MICAL2: variants seen among roughly 807,000 people sequenced by gnomAD.
MICAL2 encodes microtubule associated monooxygenase, calponin and LIM domain containing 2, also known as [F-actin]-monooxygenase MICAL2.
A neutral mutation model predicts 127.3 loss-of-function variants in MICAL2; 77 were observed. The observed-to-expected ratio is 0.60, with a 90% CI of 0.50 to 0.73. The LOEUF (loss-of-function observed/expected upper bound fraction) is 0.73. MICAL2 is among the 30% of genes least tolerant of loss of function. The pLI, the probability that MICAL2 is intolerant of heterozygous loss-of-function variation, is 0.00. For synonymous variants in MICAL2, 570 were observed against 551.1 expected, an observed-to-expected ratio of 1.03 and a Z score of -0.48; for missense variants, 1,351 against 1,434.4, an observed-to-expected ratio of 0.94 and a Z score of 0.94.
At chr11:12,177,611 A>C (rs1217055403) in intron 3 of MICAL2, among the ~76,000 whole-genome samples, 1 of 152,224 alleles carries the variant, frequency 6.6e-6, no homozygotes, top group Non-Finnish European at 1.5e-5. Flanking sequence ...ATTTTCTTCT[A>C]GGAGTTTTTA....
intron 4 of MICAL2, among the ~76,000 whole-genome samples, chr11:12,207,435 G>A (rs568734329): frequency 6.6e-6 from 1 of 152,342 alleles, no homozygotes; most frequent in East Asian, 1.9e-4. Context: ...TGAATGGCAG[G>A]AGACAAAACA....
downstream of MICAL2, chr11:12,294,814 TCCTCC>T: frequency 6.6e-7 from 1 of 1,506,464 alleles, no homozygotes; most frequent in Non-Finnish European, 8.8e-7. Flanking sequence ...CTCCTCCTCC[TCCTCC>T]TCCTCCTCCT....
At chr11:12,281,272 G>A (rs1217947126) in intron 2 of MICAL2, among the ~76,000 whole-genome samples, 1 of 152,206 alleles carries the variant, frequency 6.6e-6, no homozygotes, top group African/African-American at 2.4e-5. Context: ...GAAGGGACTT[G>A]AACCAGGCCT....
chr11:12,354,791 G>A, exon 34 of MICAL2: 2 of 1,613,984 alleles, frequency 1.2e-6, no homozygotes, highest in Non-Finnish European at 8.5e-7. Flanking sequence ...CAGGGCCCAG[G>A]AACTGGAATT....
chr11:12,244,877 T>G (rs1432643874), intron 21 of MICAL2, among the ~76,000 whole-genome samples: 1 of 152,214 alleles, frequency 6.6e-6, no homozygotes, highest in African/African-American at 2.4e-5. Context: ...CATTTTATCC[T>G]CTGGGTTATA....
Position 12,242,160 on chromosome 11 carries a change from G to C in MICAL2, c.2338-54G>C. Reference sequence around the variant, plus strand: ...TTCATGGGGGATCCCTCATGGTGAGGGTGTATGAAAGGGCCGCAGTAGGGA... The same window carrying C: ...TTCATGGGGGATCCCTCATGGTGAGCGTGTATGAAAGGGCCGCAGTAGGGA... On this transcript the variant is annotated intron_variant, in intron 18 of 27. Transcript: ENST00000683283. The C allele has an allele frequency of 3.5e-6, 5 of 1,432,294 alleles. No individual in the cohort carries two copies. The South Asian group carries it at 6.6e-5, about 19-fold the overall frequency. 88.7% of individuals were successfully genotyped at this position (1,432,294 alleles called of 1,614,324 possible).
At chr11:12,167,022 GC>G (rs1855587084) in intron 3 of MICAL2, among the ~76,000 whole-genome samples, 1 of 152,054 alleles carries the variant, frequency 6.6e-6, no homozygotes, top group Non-Finnish European at 1.5e-5. Flanking sequence ...GGAGGAAAAC[GC>G]CTCCTGGTCC....
chr11:12,271,927 T>A (rs1863680125), upstream of MICAL2, among the ~76,000 whole-genome samples: 1 of 152,144 alleles, frequency 6.6e-6, no homozygotes. Flanking sequence ...AGCTTCTTTT[T>A]TACAGAGTCT....
chr11:12,137,982 A>G (rs953088755), intron 1 of MICAL2, among the ~76,000 whole-genome samples: 4 of 152,344 alleles, frequency 2.6e-5, no homozygotes, highest in African/African-American at 9.6e-5. Context: ...GACCCGTTTC[A>G]CACTGGGGAC....
intron 3 of MICAL2, among the ~76,000 whole-genome samples, chr11:12,183,110 G>T (rs1370441061): frequency 6.6e-6 from 1 of 151,882 alleles, no homozygotes; most frequent in Non-Finnish European, 1.5e-5. Flanking sequence ...AGGAAGTTAG[G>T]AGTATGTGGG....
intron 8 of MICAL2, among the ~76,000 whole-genome samples, chr11:12,218,490 C>G (rs1168640056): frequency 6.6e-6 from 1 of 152,220 alleles, no homozygotes; most frequent in African/African-American, 2.4e-5. Context: ...CAGGCACTGT[C>G]TTCACTGTGT....
intron 3 of MICAL2, among the ~76,000 whole-genome samples, chr11:12,181,210 C>T (rs1003053319): frequency 6.6e-6 from 1 of 152,286 alleles, no homozygotes; most frequent in African/African-American, 2.4e-5. Flanking sequence ...TCCCAAAGCG[C>T]TAGGATTACA....
chr11:12,280,131 C>T (rs555198171), intron 1 of MICAL2, among the ~76,000 whole-genome samples: 4 of 152,318 alleles, frequency 2.6e-5, no homozygotes, highest in African/African-American at 9.6e-5. Context: ...TTATTTAAGG[C>T]CCATGTTAAA....
chr11:12,303,478 G>T lies in MICAL2; in HGVS notation c.5212+8621G>T, dbSNP rs963694042. The T allele has an allele frequency of 1.2e-4, 19 of 152,236 alleles. No individual in the cohort carries two copies. The East Asian group carries it at 3.1e-3, about 25-fold the overall frequency. 9.4% of individuals were successfully genotyped at this position (152,236 alleles called of 1,614,324 possible). A position where few individuals can be genotyped will look rare whatever the true frequency, so the allele number is the denominator to read the frequency against. ...ATTAAACACAACTTTATTTGATAGG[G>T]TTACATTTCACTTTAACCATTAAAA... On this transcript the variant is annotated intron_variant, in intron 29 of 34. Transcript: ENST00000646065.
At chr11:12,265,111 C>T (rs1181333345), downstream of MICAL2, among the ~76,000 whole-genome samples, 1 of 152,318 alleles carries the variant, frequency 6.6e-6, no homozygotes, top group African/African-American at 2.4e-5. Flanking sequence ...AGTCCATGAT[C>T]ACAACATTTG....
intron 26 of MICAL2, chr11:12,260,485 T>G (rs1862960585): frequency 2.7e-6 from 3 of 1,098,162 alleles, no homozygotes; most frequent in African/African-American, 3.3e-5. Flanking sequence ...TCAATTTTTC[T>G]AAACATGGGT....
At chr11:12,138,024 CT>C (rs1222551070) in intron 1 of MICAL2, among the ~76,000 whole-genome samples, 13 of 152,204 alleles carry the variant, frequency 8.5e-5, no homozygotes, top group African/African-American at 2.9e-4. Flanking sequence ...GCTTGATTTA[CT>C]TTCATTGTGT....
At chr11:12,140,540 C>A (rs1164077434) in intron 2 of MICAL2, among the ~76,000 whole-genome samples, 2 of 151,448 alleles carry the variant, frequency 1.3e-5, no homozygotes, top group Non-Finnish European at 2.9e-5. Flanking sequence ...ATAAGTGGAC[C>A]CTCTTTGGCA....
At chr11:12,289,305 G>T (rs1198087493), downstream of MICAL2, among the ~76,000 whole-genome samples, 2 of 152,232 alleles carry the variant, frequency 1.3e-5, no homozygotes, top group Non-Finnish European at 2.9e-5. Flanking sequence ...AGCCCCCGGT[G>T]GGCCATACCA....
Sources: gnomAD v4.1 joint callset for allele counts (sites outside exome capture counted in the v4.1 genomes callset) on GRCh38, gnomAD v4.1.1 for gene constraint, MANE v1.5 for transcripts, NCBI Gene and HGNC (gene_info 2026-07-23, HGNC 2026-07-21) for gene names.